The following CCND1 variants were observed in gnomAD, a reference collection of about 807,000 sequenced individuals.
CCND1 encodes cyclin D1, also known as G1/S-specific cyclin-D1.
CCND1 carries 9 observed loss-of-function variants against 26.1 expected under a neutral mutation model. The ratio of observed to expected loss-of-function variants is 0.35; its 90% CI spans 0.21 to 0.60. The LOEUF is 0.60. Ranked by LOEUF, CCND1 falls within the 20% of genes least tolerant of loss-of-function variation. CCND1 has a pLI of 0.79. For synonymous variants in CCND1, 194 were observed against 166.1 expected (o/e 1.17, Z -1.29); for missense variants, 335 against 392.9 (o/e 0.85, Z 1.25).
chr11:69,651,690 G>A lies in CCND1; in HGVS notation c.*408G>A, dbSNP rs967480225. The stretch of plus-strand genomic sequence containing the variant: ...GAGAGGATTAGGTTCCATCCTTTAC[G>A]TGTTTAAAAAAAAGCATAAAAACAT... On this transcript the variant is annotated 3_prime_UTR_variant, in exon 5 of 5. Transcript: ENST00000227507. 4.2e-5 allele frequency: 10 copies of A among 238,904 alleles called. No homozygotes were observed. The highest frequency in any genetic ancestry group is 6.5e-5 in the Non-Finnish European group (8 of 122,468). The allele number at this position is 238,904 out of a possible 1,614,324, so 14.8% of individuals were successfully genotyped here.
chr11:69,643,013 G>A lies in CCND1; in HGVS notation c.199-18G>A, dbSNP rs2120087725. On this transcript the variant is annotated intron_variant, in intron 1 of 4. Transcript: ENST00000227507. ...GCGCGACCTGGCGGCGGCGGTCACG[G>A]GCCCCGTGCCTCCGTAGGTCTGCGA... The A allele has an allele frequency of 6.5e-7, 1 of 1,536,286 alleles. No homozygotes were observed. Among genetic ancestry groups the A allele is most frequent in the Non-Finnish European group, 8.8e-7 (1 of 1,140,568 alleles).
chr11:69,647,696 G>C (rs1191515063), intron 3 of CCND1, among the ~76,000 whole-genome samples: 7 of 152,218 alleles, frequency 4.6e-5, no homozygotes, highest in African/African-American at 1.7e-4. Context: ...GGATGAGAAG[G>C]CAGTGATGTC....
At chr11:69,647,226 G>A (rs1182536360) in intron 3 of CCND1, among the ~76,000 whole-genome samples, 1 of 152,260 alleles carries the variant, frequency 6.6e-6, no homozygotes, top group Non-Finnish European at 1.5e-5. Context: ...AAATAGGAGA[G>A]TTGTGAGTAG....
At position 69,653,025 on chromosome 11, in the gene CCND1, C is replaced by T; in HGVS notation, c.*1743C>T. On this transcript the variant is annotated 3_prime_UTR_variant, in exon 5 of 5. Transcript: ENST00000227507. ...TTCCGATGAATTCTTATCCCCTGCC[C>T]CTTCCTTTAAAAAACTTAGTGACAA... The T allele has an allele frequency of 2.1e-6, 1 of 482,610 alleles. No individual in the cohort carries two copies. Among genetic ancestry groups the T allele is most frequent in the Admixed American group, 4.0e-5 (1 of 24,976 alleles). 29.9% of individuals were successfully genotyped at this position (482,610 alleles called of 1,614,324 possible). A position where few individuals can be genotyped will look rare whatever the true frequency, so the allele number is the denominator to read the frequency against.
chr11:69,651,393 G>C lies in CCND1; in HGVS notation c.*111G>C. 1 of 912,032 alleles carries C rather than the reference G, an allele frequency of 1.1e-6. No homozygotes were observed. Among genetic ancestry groups the C allele is most frequent in the Non-Finnish European group, 1.5e-6 (1 of 658,598 alleles). The allele number at this position is 912,032 out of a possible 1,614,324, so 56.5% of individuals were successfully genotyped here. ...GAGCATTTTGATACCAGAAGGGAAAGCTTCATTCTCCTTGTTGTTGGTTGT... is the reference window on the plus strand; with the variant it reads ...GAGCATTTTGATACCAGAAGGGAAACCTTCATTCTCCTTGTTGTTGGTTGT... On this transcript the variant is annotated 3_prime_UTR_variant, in exon 5 of 5. Coordinates refer to ENST00000227507, the MANE Select transcript of CCND1 (RefSeq NM_053056.3).
rs998220961 is a variant in CCND1, at chr11:69,652,960, A to G, written c.*1678A>G. 9 of 341,538 alleles carry G rather than the reference A, an allele frequency of 2.6e-5. No homozygotes were observed. The highest frequency in any genetic ancestry group is 1.7e-4 in the African/African-American group (8 of 47,628). 21.2% of individuals were successfully genotyped at this position (341,538 alleles called of 1,614,324 possible). A position where few individuals can be genotyped will look rare whatever the true frequency, so the allele number is the denominator to read the frequency against. ...CCCAGAGTCATCTGATTGGACAGGC[A>G]TGGGTGCAAGGAAAATTAGGGTACT... On this transcript the variant is annotated 3_prime_UTR_variant, in exon 5 of 5. Coordinates refer to ENST00000227507, the MANE Select transcript of CCND1 (RefSeq NM_053056.3).
chr11:69,654,118 C>A lies in CCND1; in HGVS notation c.*2836C>A. Reference sequence around the variant, plus strand: ...CTCGGAGGCCATCTCGGGCACAGGCCCACCCCGCCCCACCCCTCCAGAACA... The same window carrying A: ...CTCGGAGGCCATCTCGGGCACAGGCACACCCCGCCCCACCCCTCCAGAACA... On this transcript the variant is annotated 3_prime_UTR_variant, in exon 5 of 5. Transcript: ENST00000227507. The surrounding 1 kb of genome is among the most constrained non-coding windows in gnomAD (Gnocchi z 6.3). 1 of 655,014 alleles carries A rather than the reference C, an allele frequency of 1.5e-6. No homozygotes were observed. Among genetic ancestry groups the A allele is most frequent in the East Asian group, 2.8e-5 (1 of 36,330 alleles). 40.6% of individuals were successfully genotyped at this position (655,014 alleles called of 1,614,324 possible).
chr11:69,651,096 C>T (rs773308894), intron 4 of CCND1, 22 bp from the exon 5 acceptor site: 2 of 1,607,552 alleles, frequency 1.2e-6, no homozygotes, highest in Non-Finnish European at 1.7e-6. Flanking sequence ...CTTCCCACCT[C>T]TCCCCACCCT....
chr11:69,645,306 T>G (rs1264362608), intron 3 of CCND1, among the ~76,000 whole-genome samples: 1 of 152,214 alleles, frequency 6.6e-6, no homozygotes, highest in Non-Finnish European at 1.5e-5. Context: ...CAAAGTTTCC[T>G]GGAGAGAACG....
chr11:69,654,182 T>A lies in CCND1; in HGVS notation c.*2900T>A. 1 of 676,728 alleles carries A rather than the reference T, an allele frequency of 1.5e-6. No individual in the cohort carries two copies. Among genetic ancestry groups the A allele is most frequent in the Admixed American group, 2.0e-5 (1 of 49,150 alleles). 41.9% of individuals were successfully genotyped at this position (676,728 alleles called of 1,614,324 possible). On this transcript the variant is annotated 3_prime_UTR_variant, in exon 5 of 5. Transcript: ENST00000227507. The surrounding 1 kb of genome is among the most constrained non-coding windows in gnomAD (Gnocchi z 6.3). ...CCTCAACCATCCTGGCTGCGGCGTC[T>A]GTCTGAACCACGCGGGGGCCTTGAG...
At chr11:69,647,952 T>C (rs780603856) in intron 3 of CCND1, 42 bp from the exon 4 acceptor site, 1 of 1,607,744 alleles carries the variant, frequency 6.2e-7, no homozygotes, top group Non-Finnish European at 8.5e-7. Context: ...CCTGAGAGGG[T>C]CCCCTGCTCA....
At chr11:69,643,344 A>C in intron 2 of CCND1, 98 bp downstream of exon 2, 1 of 959,610 alleles carries the variant, frequency 1.0e-6, no homozygotes, top group South Asian at 1.6e-5. Context: ...CCCGCCTCTG[A>C]CATATCTGCT....
At chr11:69,647,883 C>A (rs1171525680) in intron 3 of CCND1, 111 bp from the exon 4 acceptor site, 5 of 1,265,936 alleles carry the variant, frequency 3.9e-6, no homozygotes, top group Non-Finnish European at 5.5e-6. Flanking sequence ...CGAGTGCTTC[C>A]CTTCAGGCCG....
At chr11:69,646,432 C>T (rs3212871) in intron 3 of CCND1, among the ~76,000 whole-genome samples, 13 of 152,278 alleles carry the variant, frequency 8.5e-5, no homozygotes, top group East Asian at 3.9e-4. Context: ...TTTATTCTCT[C>T]GGGATGAAGT....
chr11:69,642,093 G>A (rs1855711597), intron 1 of CCND1, among the ~76,000 whole-genome samples: 2 of 152,190 alleles, frequency 1.3e-5, no homozygotes, highest in South Asian at 4.1e-4. Context: ...GAGCCCGCGG[G>A]AGGGGCGCAG....
rs602652 is a variant in CCND1, at chr11:69,647,874, G to A, written c.575-120G>A. 527,588 of 1,112,970 alleles carry A rather than the reference G, an allele frequency of 0.47. 129,521 individuals carry two copies. The highest frequency in any genetic ancestry group is 0.81 in the East Asian group (33,252 of 41,172). 68.9% of individuals were successfully genotyped at this position (1,112,970 alleles called of 1,614,324 possible). On this transcript the variant is annotated intron_variant, in intron 3 of 4. Coordinates refer to ENST00000227507, the MANE Select transcript of CCND1 (RefSeq NM_053056.3). ...GCCTGGATGTGGAGCCTCAGATACC[G>A]AGTGCTTCCCTTCAGGCCGGGCCGC...
chr11:69,650,372 T>C (rs997362638), intron 4 of CCND1, among the ~76,000 whole-genome samples: 1 of 152,204 alleles, frequency 6.6e-6, no homozygotes, highest in African/African-American at 2.4e-5. Context: ...GCGTTCCAGA[T>C]TTCACGGCTG....
Position 69,648,151 on chromosome 11 carries a change from G to A in CCND1, c.723+9G>A, listed in dbSNP as rs1389923822. ...TGATCAAGTGTGACCCGGTAAGTGA[G>A]GGTGATGTCCCAGGCAGCCTTGCCG... On this transcript the variant is annotated intron_variant, in intron 4 of 4. Transcript: ENST00000227507. 1 of 1,613,452 alleles carries A rather than the reference G, an allele frequency of 6.2e-7. No individual in the cohort carries two copies. Among genetic ancestry groups the A allele is most frequent in the Admixed American group, 1.7e-5 (1 of 59,996 alleles).
chr11:69,644,826 C>T (rs1009279718), intron 3 of CCND1, among the ~76,000 whole-genome samples: 12 of 152,212 alleles, frequency 7.9e-5, no homozygotes, highest in African/African-American at 2.7e-4. Context: ...GGGAGCATGG[C>T]CCCATCCCAC....
Sources: allele counts gnomAD v4.1 joint callset (sites outside exome capture counted in the v4.1 genomes callset), GRCh38; gene constraint gnomAD v4.1.1; non-coding constraint Gnocchi (gnomAD v3.1); transcripts MANE v1.5; gene names NCBI Gene and HGNC (gene_info 2026-07-23, HGNC 2026-07-21).